The following PPARGC1A variants were observed in gnomAD, a reference collection of about 807,000 sequenced individuals.
PPARGC1A encodes peroxisome proliferator-activated receptor gamma coactivator 1-alpha.
A neutral mutation model predicts 88.7 loss-of-function variants in PPARGC1A; 25 were observed. The observed-to-expected ratio is 0.28, with a 90% CI of 0.21 to 0.39. The LOEUF is 0.39. Among genes scored for constraint, PPARGC1A ranks in the 10% least tolerant of loss-of-function variants. The pLI is 1.00. For missense variants in PPARGC1A, 880 were observed against 968.7 expected (o/e 0.91, Z 1.22); for synonymous variants, 363 against 355.6 (o/e 1.02, Z -0.24).
chr4:24,437,315 G>A, the PPARGC1A span, among the ~76,000 whole-genome samples: 1 of 152,166 alleles, frequency 6.6e-6, no homozygotes, highest in Admixed American at 6.5e-5. Flanking sequence ...GTTCCCAGTG[G>A]CCACGTTAGC....
chr4:23,947,397 A>ATAT, the PPARGC1A span, among the ~76,000 whole-genome samples: 8 of 12,224 alleles, frequency 6.5e-4, no homozygotes, highest in South Asian at 3.3e-3. Context: ...ATATATATAT[A>ATAT]AAAAAAACGG....
chr4:23,914,329 T>C, the PPARGC1A span, among the ~76,000 whole-genome samples: 1 of 152,234 alleles, frequency 6.6e-6, no homozygotes. Context: ...GAGACATACA[T>C]TCACATACTG....
At chr4:24,121,103 G>T in the PPARGC1A span, among the ~76,000 whole-genome samples, 1 of 152,302 alleles carries the variant, frequency 6.6e-6, no homozygotes, top group African/African-American at 2.4e-5. Flanking sequence ...GCCTGGCAAG[G>T]TTATTGTGAG....
intron 2 of PPARGC1A, among the ~76,000 whole-genome samples, chr4:23,838,218 T>G (rs893255144): frequency 5.9e-5 from 9 of 152,164 alleles, no homozygotes; most frequent in African/African-American, 2.2e-4. Context: ...CTTCGTTATC[T>G]TTCTCCTCTA....
chr4:24,128,876 A>G, the PPARGC1A span, among the ~76,000 whole-genome samples: 1 of 152,080 alleles, frequency 6.6e-6, no homozygotes, highest in Non-Finnish European at 1.5e-5. Context: ...ATGAAGTAGG[A>G]CCCCCTCTAA....
In PPARGC1A at chr4:23,847,199, G is replaced by A. The variant is rs532410137; in HGVS notation, c.235-15448C>T. On this transcript the variant is annotated intron_variant, in intron 2 of 12. Coordinates refer to ENST00000264867, the MANE Select transcript of PPARGC1A (RefSeq NM_013261.5). ...TAATAAAAACTTTGAGGAAAGGTGA[G>A]AATATTTGTTATGATCTAATGTGTA... Among the ~76,000 whole-genome samples the A allele has an allele frequency of 8.5e-5, 13 of 152,222 alleles. No homozygotes were observed. The South Asian group carries it at 2.7e-3, about 32-fold the overall frequency.
intron 2 of PPARGC1A, among the ~76,000 whole-genome samples, chr4:23,869,386 T>C (rs1241530499): frequency 6.6e-6 from 1 of 152,150 alleles, no homozygotes; most frequent in Non-Finnish European, 1.5e-5. Context: ...AGTTTGAATA[T>C]TAATGAAGGG....
the PPARGC1A span, among the ~76,000 whole-genome samples, chr4:24,137,385 CTTTG>C: frequency 6.6e-6 from 1 of 152,096 alleles, no homozygotes; most frequent in Admixed American, 6.5e-5. Flanking sequence ...GTCCCTGGTA[CTTTG>C]TTATGGTAGC....
At chr4:24,238,739 TTGTATATG>T in the PPARGC1A span, among the ~76,000 whole-genome samples, 8 of 129,896 alleles carry the variant, frequency 6.2e-5, no homozygotes, top group Middle Eastern at 3.9e-3. Flanking sequence ...CAATCCAAGG[TTGTATATG>T]TGTGTGTGTG....
the PPARGC1A span, among the ~76,000 whole-genome samples, chr4:24,238,753 G>A: frequency 2.6e-5 from 3 of 116,050 alleles, no homozygotes; most frequent in South Asian, 2.8e-4. Flanking sequence ...ATATGTGTGT[G>A]TGTGTGTGTG....
upstream of PPARGC1A, among the ~76,000 whole-genome samples, chr4:23,906,719 C>T (rs1720095539): frequency 6.6e-6 from 1 of 151,296 alleles, no homozygotes; most frequent in Admixed American, 6.6e-5. Context: ...TAGACTTTAA[C>T]TTTGCCTCTT....
the PPARGC1A span, among the ~76,000 whole-genome samples, chr4:24,008,979 T>C: frequency 6.6e-6 from 1 of 151,934 alleles, no homozygotes; most frequent in African/African-American, 2.4e-5. Context: ...TTACAGCAGC[T>C]CTCTCCTCAA....
At chr4:24,406,261 C>G in the PPARGC1A span, among the ~76,000 whole-genome samples, 1 of 152,148 alleles carries the variant, frequency 6.6e-6, no homozygotes, top group Non-Finnish European at 1.5e-5. Context: ...CAGCCATCTT[C>G]CCACAAGAAG....
the PPARGC1A span, among the ~76,000 whole-genome samples, chr4:23,920,680 C>T: frequency 2.6e-5 from 4 of 152,170 alleles, no homozygotes; most frequent in African/African-American, 7.2e-5. Flanking sequence ...TTTCTTCCTC[C>T]CAGCTCTATA....
chr4:24,071,654 T>A, the PPARGC1A span, among the ~76,000 whole-genome samples: 21 of 152,226 alleles, frequency 1.4e-4, no homozygotes, highest in South Asian at 1.4e-3. Context: ...AGAAGAGAAC[T>A]ACCTTATCAA....
the PPARGC1A span, among the ~76,000 whole-genome samples, chr4:24,366,979 C>T: frequency 1.3e-5 from 2 of 152,102 alleles, no homozygotes; most frequent in African/African-American, 4.8e-5. Flanking sequence ...TTTATATACA[C>T]ACTTGTGGAA....
At chr4:24,202,679 C>A in the PPARGC1A span, among the ~76,000 whole-genome samples, 2 of 152,148 alleles carry the variant, frequency 1.3e-5, no homozygotes, top group African/African-American at 4.8e-5. Context: ...GGGGACACTG[C>A]CCACTCTCCC....
chr4:24,351,461 AAAACAAC>A, the PPARGC1A span, among the ~76,000 whole-genome samples: 1 of 152,102 alleles, frequency 6.6e-6, no homozygotes, highest in Non-Finnish European at 1.5e-5. Flanking sequence ...ATGCGATTAC[AAAACAAC>A]TCAAAATTTC....
the PPARGC1A span, among the ~76,000 whole-genome samples, chr4:24,008,824 T>C: frequency 6.6e-6 from 1 of 152,212 alleles, no homozygotes. Flanking sequence ...TATAGGCATC[T>C]GATCACACAG....
Sources: gnomAD v4.1 joint callset for allele counts (sites outside exome capture counted in the v4.1 genomes callset) on GRCh38, gnomAD v4.1.1 for gene constraint, MANE v1.5 for transcripts, NCBI Gene and HGNC (gene_info 2026-07-23, HGNC 2026-07-21) for gene names.